SYT1: variants seen among roughly 807,000 people sequenced by gnomAD.
The protein encoded by SYT1 is synaptotagmin 1.
In SYT1, 8 loss-of-function variants were observed where a neutral mutation model predicts 44.8. The observed-to-expected ratio is 0.18, with a 90% CI of 0.10 to 0.32. The LOEUF (loss-of-function observed/expected upper bound fraction) is 0.32. Ranked by LOEUF, SYT1 falls within the 10% of genes least tolerant of loss-of-function variation. The pLI is 1.00. For synonymous variants in SYT1, 154 were observed against 188.8 expected (o/e 0.82, Z 1.51); for missense variants, 286 against 509.3 (o/e 0.56, Z 4.22).
chr12:79,051,988 T>C (rs1874533698), intron 3 of SYT1, among the ~76,000 whole-genome samples: 1 of 152,108 alleles, frequency 6.6e-6, no homozygotes, highest in African/African-American at 2.4e-5. Flanking sequence ...TTCTTTTGGC[T>C]TAGGATTGAC....
intron 3 of SYT1, among the ~76,000 whole-genome samples, chr12:79,169,477 G>A (rs1359714442): frequency 6.6e-6 from 1 of 151,966 alleles, no homozygotes; most frequent in Non-Finnish European, 1.5e-5. Context: ...ATGAATTTGT[G>A]AGCAGAATGA....
At chr12:79,248,675 A>T (rs910141588) in intron 4 of SYT1, among the ~76,000 whole-genome samples, 1 of 152,216 alleles carries the variant, frequency 6.6e-6, no homozygotes, top group African/African-American at 2.4e-5. Context: ...AGGAAATGGT[A>T]TGTTCAACAA....
chr12:79,408,795 T>C (rs1390329771), intron 9 of SYT1, among the ~76,000 whole-genome samples: 1 of 151,822 alleles, frequency 6.6e-6, no homozygotes, highest in Non-Finnish European at 1.5e-5. Context: ...ATTTCTCTGA[T>C]AATTATAATT....
At position 78,864,821 on chromosome 12, in the gene SYT1, T is replaced by C; in HGVS notation, c.-505T>C. 6.2e-6 allele frequency: 1 copy of C among 160,142 alleles called. No homozygotes were observed. The allele number at this position is 160,142 out of a possible 1,614,324, so 9.9% of individuals were successfully genotyped here. On this transcript the variant is annotated 5_prime_UTR_variant, in exon 1 of 11. Transcript: ENST00000261205. ...CAGCAGCGGCAGCGGCAGCAGCAGT[T>C]AGCAGCGGCAACTTGAGGCTGCACC...
At chr12:79,124,324 A>G (rs1009382905) in intron 3 of SYT1, among the ~76,000 whole-genome samples, 4 of 150,128 alleles carry the variant, frequency 2.7e-5, no homozygotes, top group Non-Finnish European at 5.9e-5. Context: ...TTCTTGCTGT[A>G]TGATCTTGGA....
intron 3 of SYT1, among the ~76,000 whole-genome samples, chr12:79,144,411 G>T (rs777323519): frequency 1.3e-5 from 2 of 152,100 alleles, no homozygotes; most frequent in Non-Finnish European, 2.9e-5. Context: ...TTACCCCACC[G>T]CCCAGAAGGG....
At chr12:79,261,150 T>C (rs1877808246) in intron 4 of SYT1, among the ~76,000 whole-genome samples, 1 of 152,222 alleles carries the variant, frequency 6.6e-6, no homozygotes, top group Non-Finnish European at 1.5e-5. Context: ...CTTTAGTTAG[T>C]GTACTTTAGA....
intron 1 of SYT1, among the ~76,000 whole-genome samples, chr12:78,925,671 A>G (rs1045667902): frequency 1.3e-5 from 2 of 151,976 alleles, no homozygotes; most frequent in African/African-American, 4.8e-5. Context: ...TAATATTATA[A>G]ATGTTTAGAT....
intron 3 of SYT1, among the ~76,000 whole-genome samples, chr12:79,148,644 T>G (rs1400946184): frequency 6.6e-6 from 1 of 152,134 alleles, no homozygotes; most frequent in African/African-American, 2.4e-5. Flanking sequence ...GAAACATAAA[T>G]GGGCACTATG....
intron 1 of SYT1, among the ~76,000 whole-genome samples, chr12:78,975,390 TG>T (rs1016874629): frequency 6.6e-6 from 1 of 152,202 alleles, no homozygotes; most frequent in African/African-American, 2.4e-5. Flanking sequence ...TTCACTGCTT[TG>T]CACCCTGCCT....
At chr12:78,968,780 A>G (rs1461686926) in intron 1 of SYT1, among the ~76,000 whole-genome samples, 1 of 152,186 alleles carries the variant, frequency 6.6e-6, no homozygotes, top group Non-Finnish European at 1.5e-5. Flanking sequence ...TTTAGCAGAC[A>G]TAATATCTAA....
chr12:78,965,227 G>A (rs984780711), intron 1 of SYT1, among the ~76,000 whole-genome samples: 3 of 152,002 alleles, frequency 2.0e-5, no homozygotes, highest in Admixed American at 2.0e-4. Flanking sequence ...TAAATAATAC[G>A]AATTAAATAT....
intron 1 of SYT1, among the ~76,000 whole-genome samples, chr12:78,947,466 G>A (rs1024785806): frequency 6.7e-6 from 1 of 148,216 alleles, no homozygotes; most frequent in African/African-American, 2.5e-5. Context: ...TATTCATACA[G>A]TTTATCAAAT....
At chr12:79,427,866 C>T (rs986652663) in intron 9 of SYT1, among the ~76,000 whole-genome samples, 5 of 152,186 alleles carry the variant, frequency 3.3e-5, no homozygotes, top group African/African-American at 1.2e-4. Flanking sequence ...CTCTATTTGT[C>T]TAGCTCAGAC....
intron 9 of SYT1, among the ~76,000 whole-genome samples, chr12:79,440,342 G>A (rs1870339325): frequency 6.6e-6 from 1 of 152,218 alleles, no homozygotes; most frequent in South Asian, 2.1e-4. Context: ...TGAAGACGGG[G>A]TGTCAGTATT....
intron 2 of SYT1, among the ~76,000 whole-genome samples, chr12:79,019,521 C>T (rs944045562): frequency 6.6e-6 from 1 of 151,830 alleles, no homozygotes; most frequent in Non-Finnish European, 1.5e-5. Context: ...GAGTGCCTAC[C>T]TACCACAGTT....
chr12:78,902,487 C>T (rs1175711233), intron 1 of SYT1, among the ~76,000 whole-genome samples: 1 of 151,834 alleles, frequency 6.6e-6, no homozygotes, highest in East Asian at 1.9e-4. Flanking sequence ...AACAATGATG[C>T]AAACTAGTGT....
chr12:78,963,939 A>G (rs982657653), intron 1 of SYT1: 5 of 152,224 alleles, frequency 3.3e-5, no homozygotes, highest in African/African-American at 1.2e-4. Context: ...TGACAGATGA[A>G]TACATTTTTT....
intron 9 of SYT1, among the ~76,000 whole-genome samples, chr12:79,423,380 T>C (rs1331609167): frequency 6.6e-6 from 1 of 152,158 alleles, no homozygotes; most frequent in East Asian, 1.9e-4. Context: ...TCTGCTTTCA[T>C]TCTATCACCT....
Sources: gnomAD v4.1 joint callset for allele counts (sites outside exome capture counted in the v4.1 genomes callset) on GRCh38, gnomAD v4.1.1 for gene constraint, MANE v1.5 for transcripts, NCBI Gene and HGNC (gene_info 2026-07-23, HGNC 2026-07-21) for gene names.